Variants in N4BP2 observed in about 807,000 individuals in gnomAD.
The protein encoded by N4BP2 is NEDD4 binding protein 2.
A neutral mutation model predicts 152.8 loss-of-function variants in N4BP2; 91 were observed. The observed-to-expected ratio is 0.60, with a 90% CI of 0.50 to 0.71. The LOEUF (loss-of-function observed/expected upper bound fraction) is 0.71. N4BP2 is among the 30% of genes least tolerant of loss of function. N4BP2 has a pLI of 0.00. For synonymous variants in N4BP2, 646 were observed against 705.3 expected, an observed-to-expected ratio of 0.92 and a Z score of 1.33; for missense variants, 1,923 against 2,059.1, an observed-to-expected ratio of 0.93 and a Z score of 1.28.
At chr4:40,129,632 TTC>T (rs1345223610) in intron 12 of N4BP2, among the ~76,000 whole-genome samples, 1 of 152,086 alleles carries the variant, frequency 6.6e-6, no homozygotes, top group African/African-American at 2.4e-5. Context: ...GATAATTTTT[TTC>T]TTTCTTTTTT....
intron 2 of N4BP2, among the ~76,000 whole-genome samples, chr4:40,094,025 G>A (rs976046710): frequency 6.6e-6 from 1 of 152,126 alleles, no homozygotes; most frequent in Non-Finnish European, 1.5e-5. Context: ...CCAGGTAGGC[G>A]TGAGCCACCA....
rs1190738681 is a variant in N4BP2 at position 40,102,926 on chromosome 4, C to T, written c.1081C>T (p.Pro361Ser). The part of the protein sequence containing the change: ...PLLLPPPPPP[P>S]MWNPMIPAFD... ...GCTGTTGCCTCCTCCGCCACCTCCA[C>T]CGATGTGGAATCCAATGATTCCTGC... Residue 361 changes from proline (P) to serine (S), a missense_variant, in exon 4 of 18, where the codon CCG becomes TCG. Transcript: ENST00000261435. 6.2e-7 allele frequency: 1 copy of T among 1,614,220 alleles called. No homozygotes were observed. The highest frequency in any genetic ancestry group is 8.5e-7 in the Non-Finnish European group (1 of 1,180,046).
chr4:40,090,703 C>G (rs1022124439), intron 2 of N4BP2, among the ~76,000 whole-genome samples: 1 of 152,072 alleles, frequency 6.6e-6, no homozygotes, highest in Non-Finnish European at 1.5e-5. Flanking sequence ...GAGGCTGAGG[C>G]AGGCCGATCA....
the N4BP2 span, among the ~76,000 whole-genome samples, chr4:40,169,390 A>AAC: frequency 6.6e-6 from 1 of 151,818 alleles, no homozygotes; most frequent in African/African-American, 2.4e-5. Context: ...AAAAAAAAAA[A>AAC]AAACCTTAAA....
chr4:40,137,105 T>G, intron 14 of N4BP2, 23 bp downstream of exon 14: 2 of 1,570,966 alleles, frequency 1.3e-6, no homozygotes, highest in Non-Finnish European at 1.7e-6. Context: ...TAATTTTTTT[T>G]CTACAAGGGT....
intron 14 of N4BP2, 51 bp from the exon 15 acceptor site, chr4:40,142,622 G>GTT: frequency 2.1e-5 from 26 of 1,226,524 alleles, no homozygotes; most frequent in African/African-American, 4.7e-5. Flanking sequence ...TAAGGCATGA[G>GTT]TTTTTTTTTT....
At chr4:40,166,320 A>C in the N4BP2 span, among the ~76,000 whole-genome samples, 59 of 152,190 alleles carry the variant, frequency 3.9e-4, no homozygotes, top group Non-Finnish European at 7.1e-4. Context: ...AGGTAGGAGA[A>C]TTAGATTTTG....
the N4BP2 span, among the ~76,000 whole-genome samples, chr4:40,180,094 TA>T: frequency 1.3e-5 from 2 of 152,068 alleles, no homozygotes; most frequent in African/African-American, 4.8e-5. Context: ...AAGCAATTGC[TA>T]AACTTAAAAA....
In N4BP2 at chr4:40,156,578, T is replaced by G. The variant is rs1721613920; in HGVS notation, c.*2341T>G. 6.6e-6 allele frequency: 1 copy of G among 152,132 alleles called. No homozygotes were observed. Among genetic ancestry groups the G allele is most frequent in the East Asian group, 1.9e-4 (1 of 5,200 alleles). 9.4% of individuals were successfully genotyped at this position (152,132 alleles called of 1,614,324 possible). A position where few individuals can be genotyped will look rare whatever the true frequency, so the allele number is the denominator to read the frequency against. On this transcript the variant is annotated 3_prime_UTR_variant, in exon 18 of 18. Coordinates refer to ENST00000261435, the MANE Select transcript of N4BP2 (RefSeq NM_018177.6). The stretch of plus-strand genomic sequence containing the variant: ...AAGTTTGTAATCCCTCCTTTCTTTT[T>G]TTTGCCCATTTCTAAATCCTGTATG...
chr4:40,178,054 G>A, the N4BP2 span, among the ~76,000 whole-genome samples: 1 of 152,132 alleles, frequency 6.6e-6, no homozygotes, highest in Non-Finnish European at 1.5e-5. Context: ...TAGCTACTCA[G>A]GAGGCTGAGG....
At chr4:40,159,702 A>G (rs1005064066), downstream of N4BP2, among the ~76,000 whole-genome samples, 1 of 152,192 alleles carries the variant, frequency 6.6e-6, no homozygotes, top group African/African-American at 2.4e-5. Context: ...TCAGACTGCC[A>G]TGTTCTGCTG....
Position 40,097,531 on chromosome 4 carries a change from A to T in N4BP2, c.191A>T (p.Asp64Val). 1 of 1,613,650 alleles carries T rather than the reference A, an allele frequency of 6.2e-7. No homozygotes were observed. The highest frequency in any genetic ancestry group is 8.5e-7 in the Non-Finnish European group (1 of 1,179,614). ...ISEIFSDLDP[D>V]VVYLMLSECD... is the part of the protein sequence containing the mutation. ...GAGATATTTTCTGATCTGGATCCTG[A>T]TGTAGTGTATTTGATGCTTTCTGAA... Residue 64 changes from aspartate to valine, a missense_variant, in exon 3 of 18, where the codon GAT becomes GTT. Physicochemically the swap from Asp to Val is radical, Grantham distance 152. Transcript: ENST00000261435.
chr4:40,129,697 C>T (rs1718743754), intron 12 of N4BP2, among the ~76,000 whole-genome samples: 1 of 152,036 alleles, frequency 6.6e-6, no homozygotes, highest in African/African-American at 2.4e-5. Context: ...TCTCGAACTC[C>T]TGGCTTCAAG....
chr4:40,092,802 C>T (rs919784079), intron 2 of N4BP2, among the ~76,000 whole-genome samples: 3 of 151,870 alleles, frequency 2.0e-5, no homozygotes, highest in Non-Finnish European at 4.4e-5. Flanking sequence ...CACCACCATG[C>T]CCAGCTAATT....
At chr4:40,113,329 GA>G in intron 6 of N4BP2, 102 bp from the exon 7 acceptor site, 1 of 852,714 alleles carries the variant, frequency 1.2e-6, no homozygotes, top group Non-Finnish European at 1.9e-6. Flanking sequence ...CACTCATCAA[GA>G]TTAGATAATC....
chr4:40,131,380 C>A (rs567054420), intron 12 of N4BP2, among the ~76,000 whole-genome samples: 31 of 152,152 alleles, frequency 2.0e-4, no homozygotes, highest in African/African-American at 7.5e-4. Context: ...ATACTGCTAG[C>A]CTTAGCTTAT....
intron 2 of N4BP2, among the ~76,000 whole-genome samples, chr4:40,096,843 G>A (rs1715150833): frequency 6.6e-6 from 1 of 152,118 alleles, no homozygotes; most frequent in Admixed American, 6.5e-5. Flanking sequence ...CACTGAGATG[G>A]GAAAGACTGG....
chr4:40,119,319 GA>G (rs1054595360), intron 8 of N4BP2, among the ~76,000 whole-genome samples: 11 of 152,100 alleles, frequency 7.2e-5, no homozygotes, highest in African/African-American at 2.7e-4. Context: ...AAAAAAAGAG[GA>G]AATGCATTGA....
intron 11 of N4BP2, among the ~76,000 whole-genome samples, chr4:40,124,535 C>G (rs1022879301): frequency 2.0e-5 from 3 of 151,928 alleles, no homozygotes; most frequent in Non-Finnish European, 4.4e-5. Context: ...TTAGTAGAGA[C>G]GGGGTTTCAC....
Sources: allele counts gnomAD v4.1 joint callset (sites outside exome capture counted in the v4.1 genomes callset), GRCh38; gene constraint gnomAD v4.1.1; transcripts MANE v1.5; gene names NCBI Gene and HGNC (gene_info 2026-07-23, HGNC 2026-07-21).